Variants in SLF1 observed in about 807,000 individuals in gnomAD.
SLF1 encodes the protein SMC5/6 complex localization factor 1.
In SLF1, 105 loss-of-function variants were observed where a neutral mutation model predicts 123.0. That is an observed-to-expected ratio of 0.85 (90% confidence interval 0.73 to 1.00). SLF1 has a LOEUF of 1.00. SLF1 is among the 50% of genes least tolerant of loss of function. The pLI is 0.00. For missense variants in SLF1, 1,239 were observed against 1,223.0 expected (o/e 1.01, Z -0.20); for synonymous variants, 434 against 406.6 (o/e 1.07, Z -0.81).
chr5:94,667,511 T>C (rs1375370737), intron 12 of SLF1, among the ~76,000 whole-genome samples: 2 of 152,196 alleles, frequency 1.3e-5, no homozygotes, highest in Non-Finnish European at 2.9e-5. Context: ...GTATGCTCTT[T>C]CCAAAGTGAT....
intron 9 of SLF1, among the ~76,000 whole-genome samples, chr5:94,658,008 T>C (rs1021910097): frequency 2.0e-5 from 3 of 152,102 alleles, no homozygotes; most frequent in African/African-American, 4.8e-5. Context: ...AGCCAGTCTA[T>C]ATCTTTTATG....
chr5:94,636,820 C>T (rs772616503), intron 4 of SLF1, among the ~76,000 whole-genome samples: 18 of 148,054 alleles, frequency 1.2e-4, no homozygotes, highest in South Asian at 8.6e-4. Context: ...TGGGTTCAAG[C>T]GAATCCCCTG....
chr5:94,681,138 C>CTT (rs562757506), intron 15 of SLF1, among the ~76,000 whole-genome samples: 22 of 151,222 alleles, frequency 1.5e-4, no homozygotes, highest in African/African-American at 5.1e-4. Context: ...TTTCTTTTGT[C>CTT]TTTTTTTTTG....
At chr5:94,684,000 T>G (rs1002063478) in intron 15 of SLF1, among the ~76,000 whole-genome samples, 3 of 152,212 alleles carry the variant, frequency 2.0e-5, no homozygotes, top group African/African-American at 7.2e-5. Context: ...TCATCTATTA[T>G]TTTTTATTCC....
intron 4 of SLF1, among the ~76,000 whole-genome samples, chr5:94,633,740 G>GCATTCT (rs1437041086): frequency 2.0e-5 from 3 of 152,080 alleles, no homozygotes; most frequent in Non-Finnish European, 4.4e-5. Context: ...AAACTTAATT[G>GCATTCT]CATTCTCATA....
At chr5:94,640,671 TA>T (rs997326193) in intron 4 of SLF1, among the ~76,000 whole-genome samples, 1 of 151,910 alleles carries the variant, frequency 6.6e-6, no homozygotes, top group Non-Finnish European at 1.5e-5. Flanking sequence ...GTTCTTTTTT[TA>T]AAAAAAAATT....
intron 4 of SLF1, among the ~76,000 whole-genome samples, chr5:94,632,529 C>T (rs1745322157): frequency 6.6e-6 from 1 of 151,984 alleles, no homozygotes; most frequent in Non-Finnish European, 1.5e-5. Flanking sequence ...TCTTTAATGT[C>T]TTATAGTTCT....
At chr5:94,622,784 A>G (rs1156883121) in intron 1 of SLF1, among the ~76,000 whole-genome samples, 1 of 152,188 alleles carries the variant, frequency 6.6e-6, no homozygotes, top group South Asian at 2.1e-4. Context: ...TAATGATACC[A>G]TACAATTTAT....
chr5:94,649,860 T>C (rs1024378211), intron 6 of SLF1, among the ~76,000 whole-genome samples: 1 of 152,172 alleles, frequency 6.6e-6, no homozygotes, highest in African/African-American at 2.4e-5. Context: ...ACTTATGTAA[T>C]TACCATGTTT....
At chr5:94,657,777 A>C (rs1748585709) in intron 9 of SLF1, among the ~76,000 whole-genome samples, 1 of 151,948 alleles carries the variant, frequency 6.6e-6, no homozygotes, top group African/African-American at 2.4e-5. Flanking sequence ...TGCGGAATTG[A>C]TCTTTTTATC....
intron 14 of SLF1, among the ~76,000 whole-genome samples, chr5:94,677,913 A>C (rs1212583101): frequency 7.0e-6 from 1 of 142,870 alleles, no homozygotes; most frequent in Non-Finnish European, 1.5e-5. Context: ...GTAATCATAT[A>C]AAATGATATA....
intron 1 of SLF1, among the ~76,000 whole-genome samples, chr5:94,621,589 C>T (rs1425462508): frequency 6.6e-6 from 1 of 152,114 alleles, no homozygotes; most frequent in African/African-American, 2.4e-5. Context: ...TTTTTCTGAA[C>T]CTTTCCTCTC....
At chr5:94,682,574 C>T (rs954187535) in intron 15 of SLF1, among the ~76,000 whole-genome samples, 1 of 152,172 alleles carries the variant, frequency 6.6e-6, no homozygotes, top group African/African-American at 2.4e-5. Context: ...CTGAGATTCA[C>T]ATCTATCAAA....
intron 1 of SLF1, among the ~76,000 whole-genome samples, chr5:94,625,208 AAT>A (rs889718740): frequency 6.0e-5 from 9 of 151,252 alleles, no homozygotes; most frequent in Non-Finnish European, 7.4e-5. Context: ...AAAAAAAAAA[AAT>A]ATTAAACAAT....
intron 9 of SLF1, among the ~76,000 whole-genome samples, chr5:94,655,713 C>G (rs1354482071): frequency 6.6e-6 from 1 of 151,938 alleles, no homozygotes; most frequent in Non-Finnish European, 1.5e-5. Flanking sequence ...TAGAGCTCTT[C>G]TAAATGGGAT....
intron 14 of SLF1, among the ~76,000 whole-genome samples, chr5:94,673,059 C>G (rs1328651815): frequency 1.3e-5 from 2 of 152,060 alleles, no homozygotes; most frequent in African/African-American, 2.4e-5. Flanking sequence ...GCTACATATA[C>G]ATTTAGTTTT....
chr5:94,652,868 A>C (rs531497706), intron 7 of SLF1, among the ~76,000 whole-genome samples: 12 of 151,836 alleles, frequency 7.9e-5, no homozygotes, highest in African/African-American at 2.9e-4. Context: ...TTTTATTTCT[A>C]TTTTTTGAGA....
At position 94,686,721 on chromosome 5, in the gene SLF1, A is replaced by G. The variant is rs771109582; in HGVS notation, c.2121+3A>G. On this transcript the variant is annotated splice_donor_region_variant and intron_variant, in intron 16 of 20. Coordinates refer to ENST00000265140, the MANE Select transcript of SLF1 (RefSeq NM_032290.4). ...AGCCACTCTCTCTTCAGAAAATGGTAAGTACCTCTCTATTCTGGTTCTTTA... is the reference window on the plus strand; with the variant it reads ...AGCCACTCTCTCTTCAGAAAATGGTGAGTACCTCTCTATTCTGGTTCTTTA... The G allele has an allele frequency of 6.2e-7, 1 of 1,613,192 alleles. No homozygotes were observed. Among genetic ancestry groups the G allele is most frequent in the South Asian group, 1.1e-5 (1 of 90,904 alleles).
intron 14 of SLF1, among the ~76,000 whole-genome samples, chr5:94,676,635 T>C (rs1276848286): frequency 6.6e-6 from 1 of 151,934 alleles, no homozygotes. Context: ...CACTTGAGGG[T>C]CTCTCTCCTA....
Sources: gnomAD v4.1 joint callset for allele counts (sites outside exome capture counted in the v4.1 genomes callset) on GRCh38, gnomAD v4.1.1 for gene constraint, MANE v1.5 for transcripts, NCBI Gene and HGNC (gene_info 2026-07-23, HGNC 2026-07-21) for gene names.